CHAC2: variants seen among roughly 807,000 people sequenced by gnomAD.
CHAC2 encodes ChaC glutathione specific gamma-glutamylcyclotransferase 2.
In CHAC2, 20 loss-of-function variants were observed where a neutral mutation model predicts 16.9. The ratio of observed to expected loss-of-function variants is 1.18; its 90% CI spans 0.83 to 1.72. CHAC2 has a LOEUF of 1.72. Among genes scored for constraint, CHAC2 ranks in the 40% most tolerant of loss-of-function variants. The pLI is 0.00. For missense variants in CHAC2, 269 were observed against 222.2 expected, an observed-to-expected ratio of 1.21 and a Z score of -1.34; for synonymous variants, 91 against 77.3, an observed-to-expected ratio of 1.18 and a Z score of -0.93.
intron 1 of CHAC2, among the ~76,000 whole-genome samples, chr2:53,769,419 A>G (rs17045212): frequency 6.6e-6 from 1 of 152,278 alleles, no homozygotes; most frequent in African/African-American, 2.4e-5. Flanking sequence ...GTATGTGGCT[A>G]TAACAACATA....
chr2:53,768,273 G>A, intron 1 of CHAC2: 1 of 446,754 alleles, frequency 2.2e-6, no homozygotes. Flanking sequence ...GCGGGCACAG[G>A]CGCACGAGCT....
intron 1 of CHAC2, chr2:53,768,236 G>T (rs188157536): frequency 1.4e-5 from 8 of 560,470 alleles, no homozygotes; most frequent in Non-Finnish European, 2.1e-5. Flanking sequence ...AGATGCCGGT[G>T]GTTAGTCTCT....
At position 53,767,812 on chromosome 2, in the gene CHAC2, A is replaced by C; in HGVS notation, c.-75A>C. 6.5e-7 allele frequency: 1 copy of C among 1,529,266 alleles called. No individual in the cohort carries two copies. Among genetic ancestry groups the C allele is most frequent in the Non-Finnish European group, 8.8e-7 (1 of 1,131,354 alleles). 94.7% of individuals were successfully genotyped at this position (1,529,266 alleles called of 1,614,324 possible). On this transcript the variant is annotated 5_prime_UTR_variant, in exon 1 of 3. Transcript: ENST00000295304. ...GCCCCGCGCGGCCGGTTACTCGCTT[A>C]CCGGAGGCTTCAGTCCCCGGCGGCG...
rs78028486 is a variant in CHAC2 at position 53,773,324 on chromosome 2, A to G, written c.172-818A>G. Among the ~76,000 whole-genome samples, 1,404 of 150,412 alleles carry G rather than the reference A, an allele frequency of 9.3e-3. 24 individuals carry two copies. Among genetic ancestry groups the G allele is most frequent in the African/African-American group, 0.033 (1,331 of 39,810 alleles). ...TAAGATAAAATATCTTGCTGTGCCT[A>G]TGATACAAAGAAATTATTCACAATG... On this transcript the variant is annotated intron_variant, in intron 2 of 2. Coordinates refer to ENST00000295304, the MANE Select transcript of CHAC2 (RefSeq NM_001008708.4).
At chr2:53,774,012 G>C (rs1674146313) in intron 2 of CHAC2, 130 bp from the exon 3 acceptor site, 2 of 1,031,368 alleles carry the variant, frequency 1.9e-6, no homozygotes, top group Non-Finnish European at 2.8e-6. Flanking sequence ...CACAGCCTGG[G>C]CAACAGACAA....
Position 53,774,403 on chromosome 2 carries a change from CT to C in CHAC2, c.438del (p.Phe146LeufsTer25), listed in dbSNP as rs753926903. ...AGPSGRNTEYLFELANSIRNL... is the reference protein window; with the variant it reads ...AGPSGRNTEYXFELANSIRNL... ...TCCAAGTGGAAGAAATACAGAATAT[CT>C]TTTTGAACTTGCAAATTCTATTAGG... On this transcript the variant is annotated frameshift_variant, in exon 3 of 3. Transcript: ENST00000295304. LOFTEE classifies it high-confidence loss of function. 5.0e-6 allele frequency: 8 copies of C among 1,612,850 alleles called. No homozygotes were observed. The highest frequency in any genetic ancestry group is 6.8e-6 in the Non-Finnish European group (8 of 1,179,796).
intron 2 of CHAC2, among the ~76,000 whole-genome samples, chr2:53,772,695 GTGTTTTGTGTTTT>G (rs939608410): frequency 2.0e-5 from 3 of 150,382 alleles, no homozygotes; most frequent in Non-Finnish European, 3.0e-5. Context: ...CCTGTGTGTT[GTGTTTTGTGTTTT>G]TGTTTTTAAG....
intron 1 of CHAC2, 162 bp downstream of exon 1, chr2:53,768,183 GC>G: frequency 1.2e-6 from 1 of 819,044 alleles, no homozygotes. Flanking sequence ...CCACCTGCCC[GC>G]CATCTCTAAC....
intron 1 of CHAC2, among the ~76,000 whole-genome samples, chr2:53,768,959 T>C (rs976831541): frequency 2.0e-5 from 3 of 152,204 alleles, no homozygotes; most frequent in African/African-American, 4.8e-5. Flanking sequence ...AAGAGAGACA[T>C]GGGATTAAAA....
chr2:53,768,128 GC>G, intron 1 of CHAC2, 107 bp downstream of exon 1: 1 of 1,298,366 alleles, frequency 7.7e-7, no homozygotes, highest in East Asian at 2.4e-5. Flanking sequence ...GCTTCATGGG[GC>G]CAAAGCACAT....
chr2:53,770,481 C>A (rs940612979), intron 1 of CHAC2, among the ~76,000 whole-genome samples: 1 of 141,430 alleles, frequency 7.1e-6, no homozygotes. Flanking sequence ...TTTGGTACTC[C>A]GTGGACGAAG....
At chr2:53,770,851 CAAAGT>C (rs768088050) in intron 1 of CHAC2, among the ~76,000 whole-genome samples, 32 of 152,174 alleles carry the variant, frequency 2.1e-4, no homozygotes, top group South Asian at 2.1e-3. Context: ...TTAAATAGGG[CAAAGT>C]AAAGTTCATT....
At chr2:53,772,666 C>T (rs1302434581) in intron 2 of CHAC2, among the ~76,000 whole-genome samples, 3 of 151,698 alleles carry the variant, frequency 2.0e-5, no homozygotes, top group Non-Finnish European at 4.4e-5. Context: ...TTCTTTATTG[C>T]TTAATTGTAT....
chr2:53,771,497 G>A (rs1013164248), intron 1 of CHAC2, among the ~76,000 whole-genome samples: 1 of 151,956 alleles, frequency 6.6e-6, no homozygotes, highest in Non-Finnish European at 1.5e-5. Flanking sequence ...TGGGCTTGTT[G>A]AGCAAAACTC....
At chr2:53,768,455 C>G (rs1673654939) in intron 1 of CHAC2, among the ~76,000 whole-genome samples, 1 of 152,226 alleles carries the variant, frequency 6.6e-6, no homozygotes, top group South Asian at 2.1e-4. Context: ...TTTCTGCATT[C>G]TAGCCGACTT....
At chr2:53,772,673 G>A (rs1032647448) in intron 2 of CHAC2, among the ~76,000 whole-genome samples, 19 of 151,742 alleles carry the variant, frequency 1.3e-4, no homozygotes, top group African/African-American at 3.4e-4. Context: ...TTGCTTAATT[G>A]TATCAATAGC....
intron 2 of CHAC2, among the ~76,000 whole-genome samples, 159 bp downstream of exon 2, chr2:53,772,101 G>C (rs1473975384): frequency 1.3e-5 from 2 of 152,022 alleles, no homozygotes; most frequent in Non-Finnish European, 2.9e-5. Flanking sequence ...TGTGAAAACT[G>C]AGGCCAATAA....
In CHAC2 at chr2:53,771,703, T is replaced by C. The variant is rs548043405; in HGVS notation, c.136-204T>C. 2.9e-3 allele frequency among the ~76,000 whole-genome samples: 445 copies of C among 152,278 alleles called. 1 individual carries two copies. The highest frequency in any genetic ancestry group is 5.1e-3 in the Non-Finnish European group (348 of 68,018). On this transcript the variant is annotated intron_variant, in intron 1 of 2. Coordinates refer to ENST00000295304, the MANE Select transcript of CHAC2 (RefSeq NM_001008708.4). ...ATACGTATAAATTGATGGAAATCTTTTAGAAAGGCCAACACAGTCTCTAGA... is the reference window on the plus strand; with the variant it reads ...ATACGTATAAATTGATGGAAATCTTCTAGAAAGGCCAACACAGTCTCTAGA...
In CHAC2 at chr2:53,767,942, A is replaced by G; in HGVS notation, c.56A>G (p.Asp19Gly). ...TGGAAGGTGGATTTCCCCTATCAGGACAAGCTGGTCGGATACATCACCAAC... is the reference window on the plus strand; with the variant it reads ...TGGAAGGTGGATTTCCCCTATCAGGGCAAGCTGGTCGGATACATCACCAAC... The part of the protein sequence containing the change: ...LIWKVDFPYQ[D>G]KLVGYITNYS... The change falls in exon 1 of 3, where the codon GAC becomes GGC. Residue 19 changes from aspartate to glycine, a missense_variant. Asp to Gly is a moderately conservative substitution (Grantham distance 94). Coordinates refer to ENST00000295304, the MANE Select transcript of CHAC2 (RefSeq NM_001008708.4). The G allele has an allele frequency of 6.2e-7, 1 of 1,614,118 alleles. No individual in the cohort carries two copies. Among genetic ancestry groups the G allele is most frequent in the East Asian group, 2.2e-5 (1 of 44,882 alleles).
Sources: gnomAD v4.1 joint callset for allele counts (sites outside exome capture counted in the v4.1 genomes callset) on GRCh38, gnomAD v4.1.1 for gene constraint, MANE v1.5 for transcripts, NCBI Gene and HGNC (gene_info 2026-07-23, HGNC 2026-07-21) for gene names.